PID1: variants seen among roughly 807,000 people sequenced by gnomAD.
The protein encoded by PID1 is PTB-containing, cubilin and LRP1-interacting protein.
Under a neutral mutation model 19.1 loss-of-function variants are expected in PID1, and 10 were observed. The ratio of observed to expected loss-of-function variants is 0.52; its 90% CI spans 0.32 to 0.89. PID1 has a LOEUF of 0.89. Ranked by LOEUF, PID1 falls within the 40% of genes least tolerant of loss-of-function variation. PID1 has a pLI of 0.03. For synonymous variants in PID1, 130 were observed against 116.0 expected (o/e 1.12, Z -0.78); for missense variants, 248 against 285.3 (o/e 0.87, Z 0.94).
intron 2 of PID1, among the ~76,000 whole-genome samples, chr2:229,065,275 C>G (rs1694300281): frequency 6.6e-6 from 1 of 152,062 alleles, no homozygotes; most frequent in East Asian, 1.9e-4. Context: ...CTGTTAAGTT[C>G]TAGTCTAGTT....
At chr2:229,054,900 A>T (rs2106187258) in intron 2 of PID1, among the ~76,000 whole-genome samples, 1 of 152,286 alleles carries the variant, frequency 6.6e-6, no homozygotes, top group Non-Finnish European at 1.5e-5. Context: ...TCATATCTGT[A>T]TAAAAGTCAG....
intron 2 of PID1, among the ~76,000 whole-genome samples, chr2:229,107,331 C>T (rs1303899760): frequency 1.3e-5 from 2 of 151,994 alleles, no homozygotes; most frequent in Non-Finnish European, 2.9e-5. Flanking sequence ...TTTGGGGAAC[C>T]AGTGGGAAAG....
At chr2:229,214,198 G>A (rs147680767) in intron 1 of PID1, among the ~76,000 whole-genome samples, 170 of 152,248 alleles carry the variant, frequency 1.1e-3, no homozygotes, top group African/African-American at 3.7e-3. Context: ...TTACAGTGTG[G>A]AACAGAGGCT....
intron 2 of PID1, among the ~76,000 whole-genome samples, chr2:229,135,103 G>A (rs1689833067): frequency 6.6e-6 from 1 of 152,178 alleles, no homozygotes; most frequent in African/African-American, 2.4e-5. Flanking sequence ...AGAAAGGAAG[G>A]AGGGAATGAT....
intron 1 of PID1, among the ~76,000 whole-genome samples, chr2:229,218,888 A>T (rs974024597): frequency 1.3e-5 from 2 of 152,224 alleles, no homozygotes; most frequent in Non-Finnish European, 2.9e-5. Context: ...ATCTGCATAA[A>T]GACAGACTAA....
At chr2:229,126,563 C>T (rs1695627187) in intron 2 of PID1, among the ~76,000 whole-genome samples, 1 of 152,126 alleles carries the variant, frequency 6.6e-6, no homozygotes, top group Non-Finnish European at 1.5e-5. Flanking sequence ...AAATGGCTGC[C>T]TGTGAGATAA....
At chr2:229,082,566 G>A (rs1256384216) in intron 2 of PID1, among the ~76,000 whole-genome samples, 1 of 152,190 alleles carries the variant, frequency 6.6e-6, no homozygotes, top group Non-Finnish European at 1.5e-5. Context: ...AGAGAGACTG[G>A]AAGTGTGAAA....
intron 2 of PID1, among the ~76,000 whole-genome samples, chr2:229,077,962 A>G (rs1366671468): frequency 6.6e-6 from 1 of 152,210 alleles, no homozygotes; most frequent in African/African-American, 2.4e-5. Context: ...TTGAATCTAT[A>G]AATTACTTTG....
intron 2 of PID1, among the ~76,000 whole-genome samples, chr2:229,118,503 C>G (rs193231498): frequency 6.6e-6 from 1 of 152,122 alleles, no homozygotes; most frequent in Non-Finnish European, 1.5e-5. Context: ...CATTTAATAG[C>G]GCTACATCCT....
At chr2:229,135,519 G>A (rs1402228054) in intron 2 of PID1, among the ~76,000 whole-genome samples, 1 of 152,188 alleles carries the variant, frequency 6.6e-6, no homozygotes, top group African/African-American at 2.4e-5. Flanking sequence ...TATGGGGTCT[G>A]CAAATGTACA....
chr2:229,165,322 G>A lies in PID1; in HGVS notation c.31-9358C>T, dbSNP rs367782074. On this transcript the variant is annotated intron_variant, in intron 1 of 2. Transcript: ENST00000392055. ...CAATCAAAAATCACCAGACAAGGCC[G>A]GGCATGGTGGCTCATGCCTGTAAAC... Among the ~76,000 whole-genome samples, 35 of 152,242 alleles carry A rather than the reference G, an allele frequency of 2.3e-4. No homozygotes were observed. The South Asian group carries it at 5.0e-3, about 22-fold the overall frequency.
Position 229,026,095 on chromosome 2 carries a change from C to T in PID1, c.191G>A (p.Gly64Asp). ...THSGCKVTYL[G>D]KVSTTGMQFL... ...CTGCATGCCAGTGGTGGAGACTTTG[C>T]CCAGGTAGGTAACCTGCAGATGCAA... The change falls in exon 3 of 3, where the codon GGC becomes GAC. Residue 64 changes from glycine (G) to aspartate (D), a missense_variant. By Grantham distance (94) the Gly-to-Asp change is moderately conservative (BLOSUM62 -1). Transcript: ENST00000392055. The T allele has an allele frequency of 6.2e-7, 1 of 1,613,094 alleles. No individual in the cohort carries two copies. Among genetic ancestry groups the T allele is most frequent in the Non-Finnish European group, 8.5e-7 (1 of 1,179,246 alleles).
chr2:229,054,757 A>T, intron 2 of PID1, among the ~76,000 whole-genome samples: 1 of 135,952 alleles, frequency 7.4e-6, no homozygotes, highest in African/African-American at 2.9e-5. Flanking sequence ...CAATTTGTAC[A>T]TTCACTTCAA....
In PID1 at chr2:229,025,776, C is replaced by T. The variant is rs1451723860; in HGVS notation, c.510G>A (p.Glu170=). 6.8e-6 allele frequency: 11 copies of T among 1,614,250 alleles called. No individual in the cohort carries two copies. The highest frequency in any genetic ancestry group is 1.6e-4 in the Middle Eastern group (1 of 6,062). Reference sequence around the variant, plus strand: ...CCAGTTTCTTGGCCTCGAGCTTGCTCTCGCACTCCACGGCGTGGCAGTCCA... The same window carrying T: ...CCAGTTTCTTGGCCTCGAGCTTGCTTTCGCACTCCACGGCGTGGCAGTCCA... ...YQMDCHAVEC[E]SKLEAKKLAH... The change falls in exon 3 of 3, where the codon GAG becomes GAA. Residue 170 remains glutamate (E), a synonymous_variant. Coordinates refer to ENST00000392055, the MANE Select transcript of PID1 (RefSeq NM_001100818.2).
At chr2:229,074,363 A>G (rs1694517019) in intron 2 of PID1, among the ~76,000 whole-genome samples, 1 of 152,198 alleles carries the variant, frequency 6.6e-6, no homozygotes, top group African/African-American at 2.4e-5. Flanking sequence ...AGCCGCAACA[A>G]TAAGATAGAT....
chr2:229,249,806 T>C (rs879692565), intron 1 of PID1, among the ~76,000 whole-genome samples: 14 of 118,006 alleles, frequency 1.2e-4, no homozygotes, highest in Non-Finnish European at 2.0e-4. Context: ...TATGATCCCC[T>C]GGGCAGGGCA....
At chr2:229,203,677 C>A (rs368250436) in intron 1 of PID1, among the ~76,000 whole-genome samples, 1 of 151,968 alleles carries the variant, frequency 6.6e-6, no homozygotes, top group African/African-American at 2.4e-5. Flanking sequence ...ATTCAAGGGA[C>A]GGAAATGTGA....
chr2:229,052,049 G>A (rs1694006428), intron 2 of PID1, among the ~76,000 whole-genome samples: 1 of 152,158 alleles, frequency 6.6e-6, no homozygotes, highest in African/African-American at 2.4e-5. Flanking sequence ...GAATGTCCTG[G>A]CTCAGGCTTT....
At chr2:229,081,727 G>A (rs1450836036) in intron 2 of PID1, among the ~76,000 whole-genome samples, 1 of 152,188 alleles carries the variant, frequency 6.6e-6, no homozygotes, top group Admixed American at 6.5e-5. Context: ...TATCATCAAG[G>A]GAAGCCAAGG....
Sources: gnomAD v4.1 joint callset for allele counts (sites outside exome capture counted in the v4.1 genomes callset) on GRCh38, gnomAD v4.1.1 for gene constraint, MANE v1.5 for transcripts, NCBI Gene and HGNC (gene_info 2026-07-23, HGNC 2026-07-21) for gene names.